PCGF2: variants seen among roughly 807,000 people sequenced by gnomAD.
PCGF2 encodes polycomb group ring finger 2.
In PCGF2, 8 loss-of-function variants were observed where a neutral mutation model predicts 36.1. The ratio of observed to expected loss-of-function variants is 0.22; its 90% CI spans 0.13 to 0.40. PCGF2 has a LOEUF of 0.40. Among genes scored for constraint, PCGF2 ranks in the 10% least tolerant of loss-of-function variants. The probability of loss-of-function intolerance (pLI) is 1.00; values close to 1 mark genes in which losing one functional copy is unlikely to be tolerated. For missense variants in PCGF2, 436 were observed against 475.9 expected, an observed-to-expected ratio of 0.92 and a Z score of 0.78; for synonymous variants, 198 against 191.2, an observed-to-expected ratio of 1.04 and a Z score of -0.29.
chr17:38,744,729 C>A (rs741030), intron 2 of PCGF2, among the ~76,000 whole-genome samples: 1 of 152,258 alleles, frequency 6.6e-6, no homozygotes, highest in African/African-American at 2.4e-5. Flanking sequence ...TCTTCATGGT[C>A]CCCTGTGGAA....
chr17:38,740,070 G>A (rs759145607), intron 3 of PCGF2, among the ~76,000 whole-genome samples: 5 of 152,254 alleles, frequency 3.3e-5, no homozygotes, highest in Non-Finnish European at 7.3e-5. Context: ...AAAGAACTGA[G>A]ATTTCAGATG....
At chr17:38,743,637 G>A (rs914419627) in intron 2 of PCGF2, among the ~76,000 whole-genome samples, 1 of 152,118 alleles carries the variant, frequency 6.6e-6, no homozygotes, top group African/African-American at 2.4e-5. Context: ...GGTTCTGACT[G>A]TTACCTCTGG....
chr17:38,740,973 G>T (rs1907166722), intron 2 of PCGF2, among the ~76,000 whole-genome samples: 1 of 152,120 alleles, frequency 6.6e-6, no homozygotes, highest in Admixed American at 6.6e-5. Flanking sequence ...TGAGCAACAA[G>T]GTTAGGCTTC....
At chr17:38,749,560 T>C (rs776987461), upstream of PCGF2, 45 of 441,498 alleles carry the variant, frequency 1.0e-4, 1 homozygote, top group South Asian at 6.8e-4. This position sits in a 1 kb window ranked among gnomAD's most constrained non-coding sequence, Gnocchi z 6.5. Flanking sequence ...GGCGGCCGCG[T>C]CTGTCCCTCC....
intron 2 of PCGF2, among the ~76,000 whole-genome samples, chr17:38,743,256 A>ATT (rs71138649): frequency 2.8e-5 from 4 of 140,478 alleles, no homozygotes; most frequent in Non-Finnish European, 4.7e-5. Context: ...ACACTGGCTA[A>ATT]TTTTTTTTTT....
chr17:38,741,310 G>A (rs1178896647), intron 2 of PCGF2, among the ~76,000 whole-genome samples: 23 of 152,016 alleles, frequency 1.5e-4, no homozygotes, highest in Admixed American at 1.4e-3. Flanking sequence ...ATCCCAATCC[G>A]TATTCACTCA....
chr17:38,747,413 C>G (rs1275716970), intron 2 of PCGF2, among the ~76,000 whole-genome samples: 1 of 152,212 alleles, frequency 6.6e-6, no homozygotes, highest in Non-Finnish European at 1.5e-5. Context: ...CCCATTCTAC[C>G]CCCAGCGCCC....
chr17:38,749,768 G>T (rs1907797879), upstream of PCGF2: 1 of 454,252 alleles, frequency 2.2e-6, no homozygotes, highest in Non-Finnish European at 4.4e-6. The surrounding 1 kb of genome is among the most constrained non-coding windows in gnomAD (Gnocchi z 6.5). Flanking sequence ...GCGACCAGGA[G>T]ACCTGCGCAC....
chr17:38,735,270 C>T lies in PCGF2; in HGVS notation c.988G>A (p.Gly330Arg). Reference protein sequence around the residue: ...CLQTPSSTSRGRKMTVNGAPV... With the variant: ...CLQTPSSTSRRRKMTVNGAPV... ...GCGCCGTTGACAGTCATCTTGCGCC[C>T]CCTGCTGGTGGAGGATGGTGTCTGC... Residue 330 changes from glycine (G) to arginine (R), a missense_variant, in exon 11 of 11, where the codon GGG becomes AGG. This residue lies in a region of PCGF2 where 227 missense variants were observed against 212.9 expected (regional missense o/e 1.07). Transcript: ENST00000620225. 1 of 1,469,496 alleles carries T rather than the reference C, an allele frequency of 6.8e-7. No homozygotes were observed. Among genetic ancestry groups the T allele is most frequent in the African/African-American group, 1.4e-5 (1 of 71,620 alleles). 91.0% of individuals were successfully genotyped at this position (1,469,496 alleles called of 1,614,324 possible).
Position 38,736,546 on chromosome 17 carries a change from C to A in PCGF2, c.577-376G>T, listed in dbSNP as rs534611996. ...ATCACCCAGGGAGCTTTAAAAAACA[C>A]CAATGTGGCCGGGTGCGGTGGCTCA... On this transcript the variant is annotated intron_variant, in intron 9 of 10. Transcript: ENST00000620225. 3.3e-5 allele frequency among the ~76,000 whole-genome samples: 5 copies of A among 152,054 alleles called. No homozygotes were observed. The South Asian group carries it at 1.0e-3, about 32-fold the overall frequency.
Position 38,740,426 on chromosome 17 carries a change from G to GGGGGGGGC in PCGF2, c.-25_-24insGCCCCCCC. Reference sequence around the variant, plus strand: ...ATGATTCCGGGGTCGGGGGTGGGGGGACTGGGGAGCGTTGCCCTGGGAAAC... The same window carrying GGGGGGGGC: ...ATGATTCCGGGGTCGGGGGTGGGGGGGGGGGGGCACTGGGGAGCGTTGCCCTGGGAAAC... On this transcript the variant is annotated 5_prime_UTR_variant, in exon 3 of 11. Transcript: ENST00000620225. 1.5e-6 allele frequency: 1 copy of GGGGGGGGC among 677,238 alleles called. No homozygotes were observed. The highest frequency in any genetic ancestry group is 2.5e-6 in the Non-Finnish European group (1 of 394,322). The allele number at this position is 677,238 out of a possible 1,614,324, so 42.0% of individuals were successfully genotyped here.
rs912324081 is a variant in PCGF2, at chr17:38,733,961, A to G, written c.*1262T>C. 4.5e-5 allele frequency: 7 copies of G among 154,846 alleles called. No homozygotes were observed. The highest frequency in any genetic ancestry group is 8.6e-5 in the Non-Finnish European group (6 of 69,832). The allele number at this position is 154,846 out of a possible 1,614,324, so 9.6% of individuals were successfully genotyped here. On this transcript the variant is annotated 3_prime_UTR_variant, in exon 11 of 11. Coordinates refer to ENST00000620225, the MANE Select transcript of PCGF2 (RefSeq NM_007144.3). ...GATGTCCCAGGGCAAAGGAGGGTAC[A>G]GTCACAGGACCTCAGACACAGGACA...
At position 38,739,717 on chromosome 17, in the gene PCGF2, C is replaced by T. The variant is rs747115715; in HGVS notation, c.113-35G>A. ...GTGGAGAGAGAGAGGAGAGTCAGAG[C>T]CAACTTCCAACTCCAGGACCAGCCT... On this transcript the variant is annotated intron_variant, in intron 3 of 10. Transcript: ENST00000620225. The surrounding 1 kb of genome is among the most constrained non-coding windows in gnomAD (Gnocchi z 4.0). The T allele has an allele frequency of 4.7e-6, 7 of 1,481,242 alleles. No individual in the cohort carries two copies. Among genetic ancestry groups the T allele is most frequent in the South Asian group, 1.1e-5 (1 of 88,386 alleles). 91.8% of individuals were successfully genotyped at this position (1,481,242 alleles called of 1,614,324 possible).
intron 2 of PCGF2, among the ~76,000 whole-genome samples, chr17:38,743,959 G>C (rs1223039539): frequency 6.6e-6 from 1 of 152,142 alleles, no homozygotes; most frequent in African/African-American, 2.4e-5. Context: ...AAGAGTGGGA[G>C]ACACAGATCC....
At chr17:38,743,844 GGTGTGCT>G (rs1907366860) in intron 2 of PCGF2, among the ~76,000 whole-genome samples, 1 of 152,140 alleles carries the variant, frequency 6.6e-6, no homozygotes, top group African/African-American at 2.4e-5. Context: ...TGCACTGGCT[GGTGTGCT>G]GTGAGAAGGT....
intron 2 of PCGF2, among the ~76,000 whole-genome samples, chr17:38,741,930 C>G (rs1907227679): frequency 6.6e-6 from 1 of 152,098 alleles, no homozygotes. Flanking sequence ...AGGAATCCCC[C>G]CCACATGGTC....
chr17:38,747,617 C>T (rs1032247106), intron 2 of PCGF2, among the ~76,000 whole-genome samples: 5 of 151,862 alleles, frequency 3.3e-5, no homozygotes, highest in Non-Finnish European at 5.9e-5. Flanking sequence ...GGGGGAGGTG[C>T]CCGAGAGGAC....
chr17:38,735,990 A>G (rs1906684964), intron 10 of PCGF2, 100 bp downstream of exon 10: 2 of 830,432 alleles, frequency 2.4e-6, no homozygotes, highest in Admixed American at 4.0e-5. Flanking sequence ...GGGATAAGGG[A>G]CAGACTGTCT....
intron 10 of PCGF2, among the ~76,000 whole-genome samples, 177 bp downstream of exon 10, chr17:38,735,913 A>G (rs150475452): frequency 7.9e-5 from 12 of 152,310 alleles, no homozygotes; most frequent in African/African-American, 2.9e-4. Flanking sequence ...CTGAGCGGAA[A>G]GTCATCCGCA....
Sources: allele counts gnomAD v4.1 joint callset (sites outside exome capture counted in the v4.1 genomes callset), GRCh38; gene constraint gnomAD v4.1.1; regional missense constraint gnomAD v4.1.1; non-coding constraint Gnocchi (gnomAD v3.1); transcripts MANE v1.5; gene names NCBI Gene and HGNC (gene_info 2026-07-23, HGNC 2026-07-21).